TAP2: variants seen among roughly 807,000 people sequenced by gnomAD.
The protein encoded by TAP2 is transporter 2, ATP binding cassette subfamily B member.
Under a neutral mutation model 74.7 loss-of-function variants are expected in TAP2, and 49 were observed. The observed-to-expected ratio is 0.66, with a 90% CI of 0.52 to 0.83. The LOEUF (loss-of-function observed/expected upper bound fraction) is 0.83, where lower values mean the gene tolerates loss of function less well. Ranked by LOEUF, TAP2 falls within the 40% of genes least tolerant of loss-of-function variation. TAP2 has a pLI of 0.00. For missense variants in TAP2, 739 were observed against 859.0 expected, an observed-to-expected ratio of 0.86 and a Z score of 1.75; for synonymous variants, 306 against 368.4, an observed-to-expected ratio of 0.83 and a Z score of 1.94.
In TAP2 at chr6:32,835,332, T is replaced by C. The variant is rs140310179; in HGVS notation, c.767A>G (p.Asp256Gly). ...TGELNSRLSS[D>G]TTLMSNWLPL... ...AAGCCAGTTACTCATCAGGGTGGTA[T>C]CCGAGCTCAGCCGTGAGTTCAGCTC... The change falls in exon 5 of 12, where the codon GAT (aspartate) becomes GGT (glycine). Residue 256 changes from aspartate (D) to glycine (G), a missense_variant. Coordinates refer to ENST00000374897, the MANE Select transcript of TAP2 (RefSeq NM_001290043.2). This position sits in a 1 kb window ranked among gnomAD's most constrained non-coding sequence, Gnocchi z 4.0. 6.1e-5 allele frequency: 98 copies of C among 1,613,038 alleles called. No individual in the cohort carries two copies. In the African/African-American group the frequency reaches 1.1e-3, roughly 18 times the overall value.
In TAP2 at chr6:32,828,402, C is replaced by T. The variant is rs951990674; in HGVS notation, c.*504G>A. The T allele has an allele frequency of 1.0e-5, 10 of 983,482 alleles. No homozygotes were observed. The East Asian group carries it at 5.7e-4, about 56-fold the overall frequency. The allele number at this position is 983,482 out of a possible 1,614,324, so 60.9% of individuals were successfully genotyped here. A position where few individuals can be genotyped will look rare whatever the true frequency, so the allele number is the denominator to read the frequency against. ...AAGGCAATCTCATGAATATTTATGT[C>T]ATTTTTGGTTAATTTCTATCTCAAA... On this transcript the variant is annotated 3_prime_UTR_variant, in exon 12 of 12. Transcript: ENST00000374897.
chr6:32,823,163 G>T (rs2621320), downstream of TAP2, among the ~76,000 whole-genome samples: 3 of 151,850 alleles, frequency 2.0e-5, no homozygotes, highest in Non-Finnish European at 4.4e-5. Context: ...CAGGTGATCC[G>T]CCCGCCTTGG....
downstream of TAP2, chr6:32,822,030 C>T (rs16870907): frequency 0.066 from 31,038 of 473,794 alleles, 1,721 homozygotes; most frequent in African/African-American, 0.22. Context: ...CCAAAGCAAA[C>T]TCATGATCCC....
At chr6:32,830,204 C>A in intron 9 of TAP2, 63 bp downstream of exon 9, 1 of 1,612,660 alleles carries the variant, frequency 6.2e-7, no homozygotes, top group Non-Finnish European at 8.5e-7. Flanking sequence ...TCCCGTGGAT[C>A]TCCCATCCTC....
rs1769140978 is a variant in TAP2 at position 32,832,425 on chromosome 6, A to G, written c.1180T>C (p.Cys394Arg). ...HLGVQMLMLS[C>R]GLQQMQDGEL... ...CCATCCTGCATCTGCTGCAGCCCACAGCTCAGCATCAGCATCTGCACCCCC... is the reference window on the plus strand; with the variant it reads ...CCATCCTGCATCTGCTGCAGCCCACGGCTCAGCATCAGCATCTGCACCCCC... The change falls in exon 7 of 12, where the codon TGT becomes CGT. Residue 394 changes from cysteine (C) to arginine (R), a missense_variant. Cys to Arg is a radical substitution (Grantham distance 180). Coordinates refer to ENST00000374897, the MANE Select transcript of TAP2 (RefSeq NM_001290043.2). The surrounding 1 kb of genome is among the most constrained non-coding windows in gnomAD (Gnocchi z 5.9). 1.2e-6 allele frequency: 2 copies of G among 1,612,818 alleles called. No individual in the cohort carries two copies. The highest frequency in any genetic ancestry group is 2.7e-5 in the African/African-American group (2 of 74,934).
In TAP2 at chr6:32,837,868, A is replaced by G; in HGVS notation, c.366T>C (p.Pro122=). Residue 122 remains proline (P), a synonymous_variant, in exon 2 of 12, where the codon CCT becomes CCC. Coordinates refer to ENST00000374897, the MANE Select transcript of TAP2 (RefSeq NM_001290043.2). ...SWSLWAVLSP[P]GAQEKEQDQV... ...GGTCCTGCTCCTTCTCCTGGGCTCC[A>G]GGAGGGCTCAGAACAGCCCACAGTG... The G allele has an allele frequency of 3.7e-6, 6 of 1,612,578 alleles. No individual in the cohort carries two copies. The highest frequency in any genetic ancestry group is 4.2e-6 in the Non-Finnish European group (5 of 1,179,802).
Position 32,832,292 on chromosome 6 carries a change from A to G in TAP2, c.1272+41T>C, listed in dbSNP as rs756860411. On this transcript the variant is annotated intron_variant, in intron 7 of 11. Transcript: ENST00000374897. The surrounding 1 kb of genome is among the most constrained non-coding windows in gnomAD (Gnocchi z 5.9). ...AAGGCCCAGGAGTCCACAAAGAAAA[A>G]GAGAGGGAAAAAAGGAGAGCAGGCT... 6 of 1,612,888 alleles carry G rather than the reference A, an allele frequency of 3.7e-6. No individual in the cohort carries two copies. In the Admixed American group the frequency reaches 1.0e-4, roughly 27 times the overall value.
chr6:32,831,259 A>G (rs974659382), intron 7 of TAP2, among the ~76,000 whole-genome samples: 3 of 152,238 alleles, frequency 2.0e-5, no homozygotes, highest in Non-Finnish European at 4.4e-5. Flanking sequence ...GTTTTTGAGA[A>G]CTGGTAAATG....
downstream of TAP2, among the ~76,000 whole-genome samples, chr6:32,822,765 A>G (rs1170025259): frequency 6.6e-6 from 1 of 152,078 alleles, no homozygotes; most frequent in Non-Finnish European, 1.5e-5. Flanking sequence ...TCCTGAGTTC[A>G]AGCAATCCGA....
In TAP2 at chr6:32,829,016, G is replaced by A. The variant is rs4148876; in HGVS notation, c.1951C>T (p.Arg651Cys). ...ATCACCAGCACTGTGCGATCCCCACGGGAATTCCAGTCCTGCAGCTGAAGG... is the reference window on the plus strand; with the variant it reads ...ATCACCAGCACTGTGCGATCCCCACAGGAATTCCAGTCCTGCAGCTGAAGG... ...CEQALQDWNS[R>C]GDRTVLVIAH... The change falls in exon 12 of 12, where the codon CGT (arginine) becomes TGT (cysteine). Residue 651 changes from arginine (R) to cysteine (C), a missense_variant. Arg to Cys is a radical substitution (Grantham distance 180, BLOSUM62 -3). Coordinates refer to ENST00000374897, the MANE Select transcript of TAP2 (RefSeq NM_001290043.2). 0.069 allele frequency: 106,896 copies of A among 1,549,556 alleles called. 4,055 individuals carry two copies. Among genetic ancestry groups the A allele is most frequent in the East Asian group, 0.11 (4,668 of 40,984 alleles).
intron 3 of TAP2, 107 bp downstream of exon 3, chr6:32,837,430 G>A (rs1769486787): frequency 1.2e-6 from 1 of 855,212 alleles, no homozygotes; most frequent in Non-Finnish European, 2.0e-6. Context: ...TTTAGTTTAA[G>A]TATTTTTGTG....
Position 32,838,106 on chromosome 6 carries a change from G to A in TAP2, c.128C>T (p.Thr43Ile). 1 of 1,611,464 alleles carries A rather than the reference G, an allele frequency of 6.2e-7. No homozygotes were observed. The highest frequency in any genetic ancestry group is 1.7e-5 in the Admixed American group (1 of 59,914). The change falls in exon 2 of 12, where the codon ACC becomes ATC. Residue 43 changes from threonine (T) to isoleucine (I), a missense_variant. Thr to Ile is a moderately conservative substitution (Grantham distance 89). Coordinates refer to ENST00000374897, the MANE Select transcript of TAP2 (RefSeq NM_001290043.2). ...CCCCCACAGCCCTCCCAGCCGCAGG[G>A]TCCCCTCCAGCCATAGTCCTGGCAG... is the stretch of plus-strand genomic sequence containing the variant. ...QGLPGLWLEG[T>I]LRLGGLWGLL...
rs1768638927 is a variant in TAP2, at chr6:32,826,195, A to T, written c.*2711T>A. On this transcript the variant is annotated 3_prime_UTR_variant, in exon 12 of 12. Transcript: ENST00000374897. ...ATTTCCTGCTTGTTTCACAATTGCC[A>T]TGTGGATTACAAGTGGCTATCCCTG... The T allele has an allele frequency of 2.0e-6, 2 of 985,294 alleles. No homozygotes were observed. The highest frequency in any genetic ancestry group is 1.7e-5 in the African/African-American group (1 of 57,230). 61.0% of individuals were successfully genotyped at this position (985,294 alleles called of 1,614,324 possible). A position where few individuals can be genotyped will look rare whatever the true frequency, so the allele number is the denominator to read the frequency against.
At chr6:32,823,048 T>C (rs1318954117), downstream of TAP2, among the ~76,000 whole-genome samples, 2 of 151,558 alleles carry the variant, frequency 1.3e-5, no homozygotes, top group African/African-American at 4.9e-5. Context: ...GCCTCCCAAG[T>C]AGCTGGGATT....
chr6:32,834,672 T>C (rs1005900046), intron 5 of TAP2, among the ~76,000 whole-genome samples: 1 of 152,156 alleles, frequency 6.6e-6, no homozygotes, highest in African/African-American at 2.4e-5. Flanking sequence ...TACCACAATA[T>C]AAGAGAAAAA....
chr6:32,833,387 G>A (rs187023184), intron 5 of TAP2, among the ~76,000 whole-genome samples: 2 of 152,258 alleles, frequency 1.3e-5, no homozygotes, highest in Non-Finnish European at 2.9e-5. Context: ...GAAAATATTT[G>A]TGAATCATAT....
rs1769121732 is a variant in TAP2, at chr6:32,832,172, G to A, written c.1272+161C>T. 1 of 925,814 alleles carries A rather than the reference G, an allele frequency of 1.1e-6. No homozygotes were observed. Among genetic ancestry groups the A allele is most frequent in the African/African-American group, 1.7e-5 (1 of 60,112 alleles). The allele number at this position is 925,814 out of a possible 1,614,324, so 57.3% of individuals were successfully genotyped here. On this transcript the variant is annotated intron_variant, in intron 7 of 11. Transcript: ENST00000374897. This position sits in a 1 kb window ranked among gnomAD's most constrained non-coding sequence, Gnocchi z 5.9. Reference sequence around the variant, plus strand: ...ACATGTGAGTTTGTAATATTATTTTGTCTCATTTTTGGCATATGTTTAAAA... The same window carrying A: ...ACATGTGAGTTTGTAATATTATTTTATCTCATTTTTGGCATATGTTTAAAA...
downstream of TAP2, among the ~76,000 whole-genome samples, chr6:32,823,065 G>A (rs1005155761): frequency 1.3e-5 from 2 of 151,594 alleles, no homozygotes; most frequent in Non-Finnish European, 1.5e-5. Flanking sequence ...GATTACAGGC[G>A]CCCACCACCA....
chr6:32,830,544 C>G (rs1356643242), intron 8 of TAP2, 74 bp downstream of exon 8: 1 of 1,604,170 alleles, frequency 6.2e-7, no homozygotes, highest in Non-Finnish European at 8.5e-7. Context: ...GGCAAATGAA[C>G]TATAGGCTGT....
Sources: allele counts gnomAD v4.1 joint callset (sites outside exome capture counted in the v4.1 genomes callset), GRCh38; gene constraint gnomAD v4.1.1; non-coding constraint Gnocchi (gnomAD v3.1); transcripts MANE v1.5; gene names NCBI Gene and HGNC (gene_info 2026-07-23, HGNC 2026-07-21).